MACROD2: variants seen among roughly 807,000 people sequenced by gnomAD.
The protein encoded by MACROD2 is mono-ADP ribosylhydrolase 2.
In MACROD2, 36 loss-of-function variants were observed where a neutral mutation model predicts 70.4. The ratio of observed to expected loss-of-function variants is 0.51; its 90% CI spans 0.39 to 0.68. MACROD2 has a LOEUF of 0.68. Ranked by LOEUF, MACROD2 falls within the 30% of genes least tolerant of loss-of-function variation. The pLI is 0.00. For synonymous variants in MACROD2, 172 were observed against 178.8 expected, an observed-to-expected ratio of 0.96 and a Z score of 0.30; for missense variants, 496 against 538.4, an observed-to-expected ratio of 0.92 and a Z score of 0.78.
At chr20:15,979,536 G>A (rs2066364239) in intron 13 of MACROD2, among the ~76,000 whole-genome samples, 1 of 152,074 alleles carries the variant, frequency 6.6e-6, no homozygotes, top group Non-Finnish European at 1.5e-5. Context: ...TGCCACCACA[G>A]GGATGGACTC....
At chr20:14,708,640 C>T (rs966938409) in intron 5 of MACROD2, among the ~76,000 whole-genome samples, 3 of 152,046 alleles carry the variant, frequency 2.0e-5, no homozygotes, top group African/African-American at 7.2e-5. Flanking sequence ...TATTTTGAGA[C>T]TGAGTCTAGC....
chr20:14,204,014 C>T (rs1423976815), intron 3 of MACROD2, among the ~76,000 whole-genome samples: 1 of 152,134 alleles, frequency 6.6e-6, no homozygotes, highest in Non-Finnish European at 1.5e-5. Flanking sequence ...CAGCTTAACC[C>T]TTGGGCCCCT....
At chr20:15,311,402 C>T (rs1600228165) in intron 6 of MACROD2, among the ~76,000 whole-genome samples, 1 of 152,254 alleles carries the variant, frequency 6.6e-6, no homozygotes, top group East Asian at 1.9e-4. Flanking sequence ...TTTTGCAGAG[C>T]TACCATTTGA....
intron 6 of MACROD2, among the ~76,000 whole-genome samples, chr20:15,338,794 G>A (rs759537813): frequency 6.6e-6 from 1 of 151,648 alleles, no homozygotes; most frequent in Non-Finnish European, 1.5e-5. Flanking sequence ...GCCAAATGGT[G>A]CATTATACAA....
chr20:16,016,838 C>G (rs189360288), intron 15 of MACROD2, among the ~76,000 whole-genome samples: 1 of 152,188 alleles, frequency 6.6e-6, no homozygotes, highest in African/African-American at 2.4e-5. Context: ...TTCCATTGTT[C>G]TTAATGGTCA....
intron 6 of MACROD2, among the ~76,000 whole-genome samples, chr20:15,327,653 G>A (rs992937265): frequency 1.3e-5 from 2 of 152,002 alleles, no homozygotes; most frequent in African/African-American, 4.8e-5. Context: ...AACACATGGG[G>A]GTTATGGGAA....
intron 5 of MACROD2, among the ~76,000 whole-genome samples, chr20:14,971,561 C>T (rs993935007): frequency 3.3e-5 from 5 of 151,968 alleles, no homozygotes; most frequent in African/African-American, 1.2e-4. Context: ...AATAATGTAT[C>T]ATTATATCTT....
chr20:15,119,984 C>T (rs576683405), intron 5 of MACROD2, among the ~76,000 whole-genome samples: 1 of 152,262 alleles, frequency 6.6e-6, no homozygotes, highest in South Asian at 2.1e-4. Flanking sequence ...AGCAGTTGCT[C>T]ATTTGCCAAC....
chr20:15,242,300 A>T (rs2077066872), intron 6 of MACROD2, among the ~76,000 whole-genome samples: 1 of 152,186 alleles, frequency 6.6e-6, no homozygotes, highest in Admixed American at 6.5e-5. Context: ...AGCTAGGTTT[A>T]TTCTTCTCAT....
intron 6 of MACROD2, among the ~76,000 whole-genome samples, chr20:15,391,111 G>A (rs1038104589): frequency 1.3e-5 from 2 of 152,100 alleles, no homozygotes; most frequent in African/African-American, 2.4e-5. Flanking sequence ...GCAGGTAAAC[G>A]CTATGATAAC....
chr20:14,436,695 G>A (rs1368296902), intron 3 of MACROD2, among the ~76,000 whole-genome samples: 1 of 152,204 alleles, frequency 6.6e-6, no homozygotes, highest in African/African-American at 2.4e-5. Context: ...CAAGTACAAG[G>A]AGCAGGATTC....
intron 15 of MACROD2, among the ~76,000 whole-genome samples, chr20:16,036,287 CGG>C (rs1491372143): frequency 0.68 from 101,136 of 148,824 alleles, 34,846 homozygotes; most frequent in Non-Finnish European, 0.77. Flanking sequence ...ACTCCTCCCC[CGG>C]CCAGCATCTC....
At position 14,510,991 on chromosome 20, in the gene MACROD2, G is replaced by GT. The variant is rs1019433327; in HGVS notation, c.301+17490dup. Among the ~76,000 whole-genome samples the GT allele has an allele frequency of 1.1e-4, 17 of 151,904 alleles. No homozygotes were observed. In the East Asian group the frequency reaches 2.5e-3, roughly 23 times the overall value. On this transcript the variant is annotated intron_variant, in intron 4 of 17. Transcript: ENST00000684519. The stretch of plus-strand genomic sequence containing the variant: ...GGTCCTGAACTGCAGGTTGGTAAAT[G>GT]TTTTTTTGGTAAGTCAGGAGATAAT...
At chr20:15,769,168 G>A (rs1018915414) in intron 8 of MACROD2, among the ~76,000 whole-genome samples, 1 of 152,068 alleles carries the variant, frequency 6.6e-6, no homozygotes, top group Non-Finnish European at 1.5e-5. Context: ...TTTTTTTTGA[G>A]ACGGAGTCTC....
intron 15 of MACROD2, among the ~76,000 whole-genome samples, chr20:16,021,743 C>G (rs1305801805): frequency 6.6e-6 from 1 of 152,178 alleles, no homozygotes; most frequent in Non-Finnish European, 1.5e-5. Context: ...GGTTAAATAA[C>G]ATGCCCAGAA....
At chr20:13,998,740 G>A (rs573450946) in intron 1 of MACROD2, among the ~76,000 whole-genome samples, 2 of 152,136 alleles carry the variant, frequency 1.3e-5, no homozygotes, top group East Asian at 3.9e-4. Context: ...TGGATCATGA[G>A]GTCAGGAGAT....
At chr20:15,590,952 A>C (rs894106813) in intron 8 of MACROD2, among the ~76,000 whole-genome samples, 27 of 127,934 alleles carry the variant, frequency 2.1e-4, no homozygotes, top group African/African-American at 6.7e-4. Flanking sequence ...AGAGAAAGAA[A>C]GAAAGAAAAA....
At chr20:15,410,653 T>TCA (rs11471470) in intron 6 of MACROD2, among the ~76,000 whole-genome samples, 37,778 of 150,672 alleles carry the variant, frequency 0.25, 4,934 homozygotes, top group South Asian at 0.36. Flanking sequence ...CTGAATTCTG[T>TCA]CACACACACA....
chr20:14,764,264 T>G (rs974606295), intron 5 of MACROD2, among the ~76,000 whole-genome samples: 3 of 152,034 alleles, frequency 2.0e-5, no homozygotes, highest in African/African-American at 7.3e-5. Flanking sequence ...GTCCCCTCCT[T>G]CATGGAGCCA....
Sources: gnomAD v4.1 joint callset for allele counts (sites outside exome capture counted in the v4.1 genomes callset) on GRCh38, gnomAD v4.1.1 for gene constraint, MANE v1.5 for transcripts, NCBI Gene and HGNC (gene_info 2026-07-23, HGNC 2026-07-21) for gene names.